REC114: variants seen among roughly 807,000 people sequenced by gnomAD.
The protein encoded by REC114 is REC114 meiotic recombination protein.
In REC114, 27 loss-of-function variants were observed where a neutral mutation model predicts 31.3. The ratio of observed to expected loss-of-function variants is 0.86; its 90% CI spans 0.64 to 1.19. The LOEUF (loss-of-function observed/expected upper bound fraction) is 1.19. Among genes scored for constraint, REC114 ranks in the 50% most tolerant of loss-of-function variants. The pLI is 0.00. For missense variants in REC114, 344 were observed against 326.9 expected (o/e 1.05, Z -0.40); for synonymous variants, 134 against 127.7 (o/e 1.05, Z -0.33).
chr15:73,554,277 G>A (rs754576605), intron 4 of REC114, among the ~76,000 whole-genome samples: 4 of 152,114 alleles, frequency 2.6e-5, no homozygotes, highest in African/African-American at 7.2e-5. Context: ...CAAAACATAA[G>A]GTTTGCCCTT....
chr15:73,544,708 G>A (rs190426662), intron 3 of REC114, among the ~76,000 whole-genome samples: 64 of 152,254 alleles, frequency 4.2e-4, no homozygotes, highest in Non-Finnish European at 1.9e-4. Flanking sequence ...TTTGAGTATT[G>A]CCTTTTAGTT....
intron 4 of REC114, among the ~76,000 whole-genome samples, chr15:73,555,928 G>A (rs1436151036): frequency 2.6e-5 from 4 of 152,060 alleles, no homozygotes; most frequent in East Asian, 1.9e-4. Context: ...GCTGGGGTCC[G>A]TCCACTGCAT....
At chr15:73,540,410 C>G in intron 2 of REC114, 75 bp from the exon 3 acceptor site, 1 of 1,036,218 alleles carries the variant, frequency 9.7e-7, no homozygotes, top group Non-Finnish European at 1.5e-6. Context: ...AACTTTCTAA[C>G]AGGAAGTAGC....
intron 2 of REC114, among the ~76,000 whole-genome samples, chr15:73,492,570 T>C (rs1893461213): frequency 6.6e-6 from 1 of 152,192 alleles, no homozygotes; most frequent in Non-Finnish European, 1.5e-5. Context: ...TTATCTGGGC[T>C]CTTATTAAAA....
intron 2 of REC114, among the ~76,000 whole-genome samples, chr15:73,531,996 T>G (rs1194653165): frequency 6.6e-6 from 1 of 150,390 alleles, no homozygotes; most frequent in Non-Finnish European, 1.5e-5. Context: ...TTTTTTTTTT[T>G]TTAATACTTT....
At chr15:73,488,460 T>G (rs1471625862) in intron 2 of REC114, among the ~76,000 whole-genome samples, 1 of 152,232 alleles carries the variant, frequency 6.6e-6, no homozygotes, top group Non-Finnish European at 1.5e-5. Flanking sequence ...CTTCTTGCAG[T>G]TTATTATAAG....
intron 3 of REC114, among the ~76,000 whole-genome samples, chr15:73,543,992 G>C (rs1407298100): frequency 8.0e-6 from 1 of 125,578 alleles, no homozygotes; most frequent in Non-Finnish European, 1.6e-5. Flanking sequence ...CTGTCCCCCA[G>C]GCTGGAGCAG....
intron 2 of REC114, among the ~76,000 whole-genome samples, chr15:73,478,787 T>G (rs1893252546): frequency 6.6e-6 from 1 of 152,190 alleles, no homozygotes; most frequent in Non-Finnish European, 1.5e-5. Context: ...TTTGCTAAAT[T>G]TATCCACAAA....
intron 2 of REC114, among the ~76,000 whole-genome samples, chr15:73,509,372 T>C (rs1466102988): frequency 2.7e-5 from 4 of 150,512 alleles, no homozygotes; most frequent in Non-Finnish European, 5.9e-5. Flanking sequence ...TTGCCAAAAT[T>C]TTCTCCCATT....
At position 73,485,137 on chromosome 15, in the gene REC114, G is replaced by A. The variant is rs142166913; in HGVS notation, c.249+11216G>A. ...GATGGAGTCTCACTCTGTCTCCACT[G>A]CAGTGGCACGATCCCTGCTCACTGC... is the stretch of plus-strand genomic sequence containing the variant. On this transcript the variant is annotated intron_variant, in intron 2 of 5. Coordinates refer to ENST00000331090, the MANE Select transcript of REC114 (RefSeq NM_001042367.2). Among the ~76,000 whole-genome samples the A allele has an allele frequency of 1.8e-3, 268 of 152,266 alleles. 2 individuals are homozygous for A. Among genetic ancestry groups the A allele is most frequent in the African/African-American group, 6.3e-3 (260 of 41,546 alleles).
chr15:73,462,906 A>AAAAAAAAAAAAAAT (rs1893009698), intron 1 of REC114, among the ~76,000 whole-genome samples: 1 of 151,322 alleles, frequency 6.6e-6, no homozygotes, highest in African/African-American at 2.4e-5. Flanking sequence ...AAAAAAAAAA[A>AAAAAAAAAAAAAAT]ATTACCACTT....
chr15:73,542,943 A>AC (rs1204759302), intron 3 of REC114, among the ~76,000 whole-genome samples: 15 of 122,146 alleles, frequency 1.2e-4, no homozygotes, highest in Admixed American at 7.3e-4. Flanking sequence ...CTAGAAGTAT[A>AC]CACTTTTTTT....
intron 2 of REC114, among the ~76,000 whole-genome samples, chr15:73,498,565 A>G (rs1046303566): frequency 2.0e-5 from 3 of 152,202 alleles, no homozygotes; most frequent in African/African-American, 7.2e-5. Context: ...CAGGGAGTAG[A>G]AATAGCAGTA....
chr15:73,445,489 C>T (rs1892752338), intron 1 of REC114, among the ~76,000 whole-genome samples: 2 of 152,206 alleles, frequency 1.3e-5, no homozygotes, highest in Non-Finnish European at 2.9e-5. Flanking sequence ...TACAACCTGG[C>T]TAACTGGCAT....
intron 2 of REC114, among the ~76,000 whole-genome samples, chr15:73,531,687 TC>T (rs1894084539): frequency 6.6e-6 from 1 of 152,126 alleles, no homozygotes; most frequent in African/African-American, 2.4e-5. Context: ...GTACCCCAGT[TC>T]TTGATCTCAT....
At chr15:73,503,666 T>C (rs1156859594) in intron 2 of REC114, among the ~76,000 whole-genome samples, 1 of 152,202 alleles carries the variant, frequency 6.6e-6, no homozygotes, top group African/African-American at 2.4e-5. Flanking sequence ...GGATCTCATG[T>C]TTTAAAATTT....
intron 2 of REC114, among the ~76,000 whole-genome samples, chr15:73,482,436 C>T (rs913899218): frequency 3.9e-5 from 6 of 152,250 alleles, no homozygotes; most frequent in South Asian, 2.1e-4. Context: ...TGGGAGCTTC[C>T]GAGGCCTCAC....
chr15:73,492,894 CA>C (rs1478163243), intron 2 of REC114, among the ~76,000 whole-genome samples: 8 of 152,066 alleles, frequency 5.3e-5, no homozygotes, highest in African/African-American at 1.7e-4. Context: ...GTTTATTGGC[CA>C]GCTGGATATC....
chr15:73,447,923 C>T (rs1353915146), intron 1 of REC114, among the ~76,000 whole-genome samples: 2 of 152,164 alleles, frequency 1.3e-5, no homozygotes, highest in African/African-American at 2.4e-5. Flanking sequence ...CAAGGGAAGC[C>T]GTGAGAGACT....
Sources: gnomAD v4.1 joint callset for allele counts (sites outside exome capture counted in the v4.1 genomes callset) on GRCh38, gnomAD v4.1.1 for gene constraint, MANE v1.5 for transcripts, NCBI Gene and HGNC (gene_info 2026-07-23, HGNC 2026-07-21) for gene names.